The following ASB3 variants were observed in gnomAD, a reference collection of about 807,000 sequenced individuals.
The protein encoded by ASB3 is ankyrin repeat and SOCS box protein 3.
Under a neutral mutation model 54.5 loss-of-function variants are expected in ASB3, and 41 were observed. That is an observed-to-expected ratio of 0.75 (90% CI 0.59 to 0.98). The LOEUF (loss-of-function observed/expected upper bound fraction) is 0.98. ASB3 is among the 50% of genes least tolerant of loss of function. The probability of loss-of-function intolerance (pLI) is 0.00; values close to 1 mark genes in which losing one functional copy is unlikely to be tolerated. For synonymous variants in ASB3, 266 were observed against 221.2 expected (o/e 1.20, Z -1.80); for missense variants, 733 against 620.0 (o/e 1.18, Z -1.94).
intron 7 of ASB3, among the ~76,000 whole-genome samples, chr2:53,703,998 A>AT (rs749704036): frequency 3.0e-4 from 46 of 152,342 alleles, no homozygotes; most frequent in Admixed American, 7.2e-4. Flanking sequence ...ACCTGGTACC[A>AT]GTATTGTGAC....
chr2:53,715,534 G>C (rs1670339075), intron 6 of ASB3, among the ~76,000 whole-genome samples: 1 of 152,116 alleles, frequency 6.6e-6, no homozygotes, highest in Non-Finnish European at 1.5e-5. Flanking sequence ...GCCCAGGAGA[G>C]TTTTGGTACC....
In ASB3 at chr2:53,689,451, G is replaced by T. The variant is rs373513319; in HGVS notation, c.1369+4433C>A. ...ACAAATATTCTTTTAAAAACTAATA[G>T]GTTTTATTATCCTAAACTAGAAATG... On this transcript the variant is annotated intron_variant, in intron 9 of 9. Transcript: ENST00000263634. 5.9e-5 allele frequency among the ~76,000 whole-genome samples: 9 copies of T among 152,256 alleles called. No individual in the cohort carries two copies. The East Asian group carries it at 1.2e-3, about 20-fold the overall frequency.
chr2:53,729,435 G>T, intron 4 of ASB3, 23 bp downstream of exon 4: 1 of 1,609,148 alleles, frequency 6.2e-7, no homozygotes, highest in South Asian at 1.1e-5. Context: ...ACATGGAAAT[G>T]AAATAATAAA....
Position 53,700,277 on chromosome 2 carries a change from T to C in ASB3, c.1232A>G (p.Asn411Ser), listed in dbSNP as rs1227153964. 2.5e-6 allele frequency: 4 copies of C among 1,612,438 alleles called. No homozygotes were observed. The highest frequency in any genetic ancestry group is 4.5e-5 in the East Asian group (2 of 44,858). ...AGFDPLILLC[N>S]SWIDSVSIDT... is the part of the protein sequence containing the mutation. Reference sequence around the variant, plus strand: ...CTATGGTAGAATTTCTTACCAAGAATTGCACAGTAGAATCAGTGGGTCAAA... The same window carrying C: ...CTATGGTAGAATTTCTTACCAAGAACTGCACAGTAGAATCAGTGGGTCAAA... The change falls in exon 8 of 10, where the codon AAT becomes AGT. Residue 411 changes from asparagine (N) to serine (S), a missense_variant. Transcript: ENST00000263634.
rs112820988 is a variant in ASB3, at chr2:53,675,220, T to C, written c.1370-4530A>G. ...CACAAATCCCAGGCACCACAGAATC[T>C]AGTGATCTCCAAATGTTTTGATTAC... is the stretch of plus-strand genomic sequence containing the variant. On this transcript the variant is annotated intron_variant, in intron 9 of 9. Coordinates refer to ENST00000263634, the MANE Select transcript of ASB3 (RefSeq NM_016115.5). Among the ~76,000 whole-genome samples, 471 of 152,298 alleles carry C rather than the reference T, an allele frequency of 3.1e-3. 3 individuals carry two copies. The highest frequency in any genetic ancestry group is 0.011 in the African/African-American group (453 of 41,576).
At chr2:53,707,135 C>T (rs543991373) in intron 7 of ASB3, among the ~76,000 whole-genome samples, 75 of 152,284 alleles carry the variant, frequency 4.9e-4, no homozygotes, top group South Asian at 1.0e-3. Context: ...ATGTGCTATT[C>T]GGTAGGGTAG....
At chr2:53,679,910 T>C (rs1668275040) in intron 9 of ASB3, among the ~76,000 whole-genome samples, 6 of 152,186 alleles carry the variant, frequency 3.9e-5, no homozygotes, top group Middle Eastern at 3.4e-3. Context: ...ACCCACAACA[T>C]AGGCCACAGT....
At chr2:53,694,457 CT>C (rs1669081346) in intron 8 of ASB3, 1 of 153,320 alleles carries the variant, frequency 6.5e-6, no homozygotes, top group Admixed American at 6.5e-5. Context: ...ACAAGTATGG[CT>C]TGTTTCTGCC....
At chr2:53,764,404 A>G (rs1240362238) in intron 2 of ASB3, among the ~76,000 whole-genome samples, 1 of 152,238 alleles carries the variant, frequency 6.6e-6, no homozygotes, top group Non-Finnish European at 1.5e-5. Context: ...AACCTTTTAC[A>G]AGTCAACTTC....
intron 2 of ASB3, among the ~76,000 whole-genome samples, chr2:53,764,505 C>G (rs969844316): frequency 6.6e-6 from 1 of 152,168 alleles, no homozygotes; most frequent in African/African-American, 2.4e-5. Context: ...ATAAATTGAG[C>G]ATGTGGCACA....
intron 1 of ASB3, among the ~76,000 whole-genome samples, chr2:53,770,011 A>G (rs1673783167): frequency 1.3e-5 from 2 of 152,208 alleles, no homozygotes; most frequent in Admixed American, 6.5e-5. Context: ...TCAAGATTTC[A>G]TCTTCTCCAC....
intron 2 of ASB3, among the ~76,000 whole-genome samples, chr2:53,761,415 T>C (rs1673139650): frequency 2.0e-5 from 3 of 151,482 alleles, no homozygotes; most frequent in African/African-American, 7.3e-5. Context: ...ACTCTATTAA[T>C]CCTGCAAATG....
chr2:53,756,755 C>A, intron 2 of ASB3: 1 of 153,160 alleles, frequency 6.5e-6, no homozygotes, highest in South Asian at 1.8e-4. Context: ...AGCTTTCACT[C>A]ACCGTCCACC....
chr2:53,750,778 C>A lies in ASB3; in HGVS notation c.355+5G>T. The stretch of plus-strand genomic sequence containing the variant: ...TTGCATCTGCACCACAAATAGCATA[C>A]TTACCTAAAAACAATGGTGTCGTTT... On this transcript the variant is annotated splice_donor_5th_base_variant and intron_variant, in intron 3 of 9. Coordinates refer to ENST00000263634, the MANE Select transcript of ASB3 (RefSeq NM_016115.5). 1 of 1,538,586 alleles carries A rather than the reference C, an allele frequency of 6.5e-7. No homozygotes were observed.
chr2:53,755,390 G>A lies in ASB3; in HGVS notation c.197-4449C>T, dbSNP rs111701955. On this transcript the variant is annotated intron_variant, in intron 2 of 9. Transcript: ENST00000263634. ...AAGTGGTAGTAATGGGTGATAGACC[G>A]TTCTTTTTGTTTTCTGCAAACTCTA... Among the ~76,000 whole-genome samples, 379 of 152,298 alleles carry A rather than the reference G, an allele frequency of 2.5e-3. 2 individuals carry two copies. Among genetic ancestry groups the A allele is most frequent in the African/African-American group, 8.6e-3 (359 of 41,572 alleles).
At position 53,767,761 on chromosome 2, in the gene ASB3, G is replaced by A. The variant is rs1056887450; in HGVS notation, c.-13-2176C>T. ...TGGATCTAAACTCCCAGTGCGCTTT[G>A]CGCCCCAAGTGGCCATCGCGCCTGC... On this transcript the variant is annotated intron_variant, in intron 1 of 9. Coordinates refer to ENST00000263634, the MANE Select transcript of ASB3 (RefSeq NM_016115.5). 1.2e-5 allele frequency: 14 copies of A among 1,145,580 alleles called. No individual in the cohort carries two copies. The East Asian group carries it at 2.6e-4, about 21-fold the overall frequency. 71.0% of individuals were successfully genotyped at this position (1,145,580 alleles called of 1,614,324 possible). A position where few individuals can be genotyped will look rare whatever the true frequency, so the allele number is the denominator to read the frequency against.
At chr2:53,771,519 A>C (rs968713888) in intron 1 of ASB3, among the ~76,000 whole-genome samples, 5 of 152,104 alleles carry the variant, frequency 3.3e-5, no homozygotes, top group Non-Finnish European at 7.4e-5. Flanking sequence ...GTCTCAAAAA[A>C]TAAATAAATA....
intron 9 of ASB3, among the ~76,000 whole-genome samples, chr2:53,678,939 CAACA>C (rs2103653128): frequency 6.6e-6 from 1 of 152,238 alleles, no homozygotes; most frequent in Non-Finnish European, 1.5e-5. Context: ...CTTTAAACTC[CAACA>C]GACACCAGTT....
chr2:53,697,974 T>C (rs1669278635), intron 8 of ASB3, among the ~76,000 whole-genome samples: 1 of 152,222 alleles, frequency 6.6e-6, no homozygotes, highest in South Asian at 2.1e-4. Flanking sequence ...CCTGCTCCCA[T>C]GGGTCCTCTA....
Sources: allele counts gnomAD v4.1 joint callset (sites outside exome capture counted in the v4.1 genomes callset), GRCh38; gene constraint gnomAD v4.1.1; transcripts MANE v1.5; gene names NCBI Gene and HGNC (gene_info 2026-07-23, HGNC 2026-07-21).